NAALADL2: variants seen among roughly 807,000 people sequenced by gnomAD.
The protein encoded by NAALADL2 is N-acetylated alpha-linked acidic dipeptidase like 2, also known as inactive N-acetylated-alpha-linked acidic dipeptidase-like protein 2.
In NAALADL2, 76 loss-of-function variants were observed where a neutral mutation model predicts 87.2. The ratio of observed to expected loss-of-function variants is 0.87; its 90% CI spans 0.72 to 1.05. NAALADL2 has a LOEUF of 1.05. Ranked by LOEUF, NAALADL2 falls within the 50% of genes least tolerant of loss-of-function variation. The pLI, the probability that NAALADL2 is intolerant of heterozygous loss-of-function variation, is 0.00. For synonymous variants in NAALADL2, 354 were observed against 331.0 expected, an observed-to-expected ratio of 1.07 and a Z score of -0.75; for missense variants, 1,089 against 945.8, an observed-to-expected ratio of 1.15 and a Z score of -1.99.
intron 9 of NAALADL2, among the ~76,000 whole-genome samples, chr3:175,509,069 T>C (rs757295386): frequency 6.6e-6 from 1 of 151,676 alleles, no homozygotes; most frequent in Non-Finnish European, 1.5e-5. Context: ...TGAGCTGAGA[T>C]TGCACCATTG....
chr3:175,120,536 T>C (rs1725997030), intron 2 of NAALADL2, among the ~76,000 whole-genome samples: 1 of 151,794 alleles, frequency 6.6e-6, no homozygotes, highest in South Asian at 2.1e-4. Context: ...TGAAGGCCAT[T>C]AAAAATAATG....
intron 1 of NAALADL2, among the ~76,000 whole-genome samples, chr3:174,877,604 A>G (rs982405888): frequency 6.6e-5 from 10 of 152,050 alleles, no homozygotes. Context: ...AGTTTTATCC[A>G]CTCAGTATTA....
At position 174,610,370 on chromosome 3, in the gene NAALADL2, G is replaced by C. The variant is rs542365988; in HGVS notation, c.-115+59733G>C. ...CAGCAAAAGAAACTACCATCAGAGT[G>C]AACAGGCAACCTACAAAATGGGAGA... On this transcript the variant is annotated intron_variant, in intron 2 of 3. Coordinates refer to the NAALADL2 transcript ENST00000434257. Among the ~76,000 whole-genome samples, 14 of 151,174 alleles carry C rather than the reference G, an allele frequency of 9.3e-5. No individual in the cohort carries two copies. In the East Asian group the frequency reaches 2.1e-3, roughly 23 times the overall value.
At chr3:175,206,262 ATTTT>A (rs372246885) in intron 2 of NAALADL2, among the ~76,000 whole-genome samples, 24 of 103,076 alleles carry the variant, frequency 2.3e-4, no homozygotes, top group African/African-American at 3.8e-4. Flanking sequence ...ATATATATAT[ATTTT>A]TTTTTTTCAC....
chr3:175,145,030 A>G (rs1216028763), intron 2 of NAALADL2, among the ~76,000 whole-genome samples: 1 of 151,690 alleles, frequency 6.6e-6, no homozygotes, highest in Non-Finnish European at 1.5e-5. Flanking sequence ...CCTTGATTTG[A>G]TGTATTGCTT....
At chr3:175,570,862 A>G (rs766640164) in intron 9 of NAALADL2, among the ~76,000 whole-genome samples, 5 of 148,168 alleles carry the variant, frequency 3.4e-5, no homozygotes, top group Non-Finnish European at 7.4e-5. Flanking sequence ...CCTGGGTGAC[A>G]TAGTGAGACT....
intron 1 of NAALADL2, among the ~76,000 whole-genome samples, chr3:174,903,803 G>A (rs1732589382): frequency 6.6e-6 from 1 of 151,704 alleles, no homozygotes. Context: ...ATTAAGTAGT[G>A]ACTGATTAAG....
intron 10 of NAALADL2, among the ~76,000 whole-genome samples, chr3:175,592,866 G>C (rs923646993): frequency 4.6e-5 from 7 of 151,234 alleles, no homozygotes; most frequent in African/African-American, 1.7e-4. Context: ...TTGTGCACAT[G>C]TACCCTAAAA....
intron 13 of NAALADL2, among the ~76,000 whole-genome samples, chr3:175,769,521 A>G (rs759266954): frequency 1.3e-5 from 2 of 152,200 alleles, no homozygotes; most frequent in African/African-American, 2.4e-5. Flanking sequence ...AGATTGTAAC[A>G]TACTTTTTAT....
Position 175,782,137 on chromosome 3 carries a change from G to A in NAALADL2, c.2190-20868G>A, listed in dbSNP as rs1263202313. ...ACATTTGGGTTGGTTCCAAGTCTTT[G>A]CTATTGTGAATAATGCCTCAATAAA... On this transcript the variant is annotated intron_variant, in intron 13 of 13. Transcript: ENST00000454872. Among the ~76,000 whole-genome samples the A allele has an allele frequency of 2.1e-3, 314 of 150,006 alleles. 1 individual carries two copies. The highest frequency in any genetic ancestry group is 3.5e-3 in the Non-Finnish European group (239 of 67,474).
At chr3:174,824,083 G>A (rs1721720638) in intron 3 of NAALADL2, among the ~76,000 whole-genome samples, 1 of 152,108 alleles carries the variant, frequency 6.6e-6, no homozygotes, top group Non-Finnish European at 1.5e-5. Flanking sequence ...TAACTTAAAT[G>A]TGTATTATCT....
At chr3:174,931,341 G>A (rs1736860892) in intron 1 of NAALADL2, among the ~76,000 whole-genome samples, 2 of 152,046 alleles carry the variant, frequency 1.3e-5, no homozygotes, top group Non-Finnish European at 2.9e-5. Flanking sequence ...GTGACCACTT[G>A]GGAACTATGT....
chr3:174,783,999 G>T (rs1716303432), intron 3 of NAALADL2, among the ~76,000 whole-genome samples: 1 of 152,102 alleles, frequency 6.6e-6, no homozygotes, highest in South Asian at 2.1e-4. Context: ...TTGAAGCTTA[G>T]AGTATTCCAA....
At position 175,233,938 on chromosome 3, in the gene NAALADL2, G is replaced by C. The variant is rs74321186; in HGVS notation, c.553G>C (p.Val185Leu). The change falls in exon 3 of 14, where the codon GTA (valine) becomes CTA (leucine). Residue 185 changes from valine (V) to leucine (L), a missense_variant. By Grantham distance (32) the Val-to-Leu change is conservative. Coordinates refer to ENST00000454872, the MANE Select transcript of NAALADL2 (RefSeq NM_207015.3). The stretch of plus-strand genomic sequence containing the variant: ...TTTTCAAATTTATTTCAGAAATTTG[G>C]TACAACTATATAAAAATGAAGATGA... The part of the protein sequence containing the change: ...EDIKKSFRNL[V>L]QLYKNEDDME... 3.8e-6 allele frequency: 6 copies of C among 1,565,872 alleles called. No homozygotes were observed. The East Asian group carries it at 9.0e-5, about 23-fold the overall frequency.
chr3:175,589,513 T>C (rs114362170), intron 10 of NAALADL2, among the ~76,000 whole-genome samples: 1,849 of 152,058 alleles, frequency 0.012, 38 homozygotes, highest in African/African-American at 0.041. Context: ...AATTTGATCA[T>C]TGTGTATATA....
intron 1 of NAALADL2, among the ~76,000 whole-genome samples, chr3:174,987,809 T>A (rs1042766887): frequency 2.3e-5 from 3 of 133,224 alleles, no homozygotes; most frequent in African/African-American, 3.4e-5. Context: ...TATATATATA[T>A]AATTATATAT....
intron 9 of NAALADL2, among the ~76,000 whole-genome samples, chr3:175,508,868 C>T (rs916131013): frequency 1.3e-5 from 2 of 152,040 alleles, no homozygotes; most frequent in Admixed American, 1.3e-4. Flanking sequence ...GTAATCCCAG[C>T]ACTTTGGGAG....
intron 2 of NAALADL2, among the ~76,000 whole-genome samples, chr3:175,130,596 A>G (rs1727674882): frequency 6.6e-6 from 1 of 152,210 alleles, no homozygotes; most frequent in Non-Finnish European, 1.5e-5. Context: ...TATATTGAAG[A>G]AACTATCTTT....
chr3:174,588,631 C>A (rs1386886230), intron 2 of NAALADL2, among the ~76,000 whole-genome samples: 1 of 152,176 alleles, frequency 6.6e-6, no homozygotes, highest in African/African-American at 2.4e-5. Flanking sequence ...TGGGAGTTTG[C>A]TGGAGGTCCA....
Sources: gnomAD v4.1 joint callset for allele counts (sites outside exome capture counted in the v4.1 genomes callset) on GRCh38, gnomAD v4.1.1 for gene constraint, MANE v1.5 for transcripts, NCBI Gene and HGNC (gene_info 2026-07-23, HGNC 2026-07-21) for gene names.